Variants in SORL1 observed in about 807,000 individuals in gnomAD.
SORL1 encodes the protein sortilin-related receptor.
In SORL1, 127 loss-of-function variants were observed where a neutral mutation model predicts 273.7. The observed-to-expected ratio is 0.46, with a 90% CI of 0.40 to 0.54. The LOEUF (loss-of-function observed/expected upper bound fraction) is 0.54, where lower values mean the gene tolerates loss of function less well. Among genes scored for constraint, SORL1 ranks in the 20% least tolerant of loss-of-function variants. The probability of loss-of-function intolerance (pLI) is 0.00; values close to 1 mark genes in which losing one functional copy is unlikely to be tolerated. For synonymous variants in SORL1, 1,031 were observed against 1,067.4 expected, an observed-to-expected ratio of 0.97 and a Z score of 0.66; for missense variants, 2,494 against 2,846.1, an observed-to-expected ratio of 0.88 and a Z score of 2.81.
At chr11:121,454,907 T>A (rs184483702) in intron 1 of SORL1, among the ~76,000 whole-genome samples, 3 of 152,266 alleles carry the variant, frequency 2.0e-5, no homozygotes, top group Admixed American at 2.0e-4. Flanking sequence ...GTTTCTAAGT[T>A]GTCTCTGGTG....
At chr11:121,569,791 A>G (rs1792123) in intron 22 of SORL1, among the ~76,000 whole-genome samples, 149,884 of 152,270 alleles carry the variant, frequency 0.98, 73,837 homozygotes, top group Middle Eastern at 1. Flanking sequence ...TGTGAAGCAC[A>G]TGATCTCTGT....
chr11:121,593,885 C>A (rs1863253052), intron 31 of SORL1, among the ~76,000 whole-genome samples: 2 of 152,106 alleles, frequency 1.3e-5, no homozygotes, highest in African/African-American at 4.8e-5. Flanking sequence ...AGTTTAATCC[C>A]ATGTTTCAGT....
At chr11:121,531,271 G>A (rs1040343931) in intron 11 of SORL1, among the ~76,000 whole-genome samples, 2 of 152,172 alleles carry the variant, frequency 1.3e-5, no homozygotes, top group Non-Finnish European at 2.9e-5. Flanking sequence ...GTGCATGCCT[G>A]TAATCCCAGC....
At chr11:121,549,726 T>TC (rs1183942609) in intron 14 of SORL1, among the ~76,000 whole-genome samples, 1 of 122,380 alleles carries the variant, frequency 8.2e-6, no homozygotes, top group Non-Finnish European at 1.6e-5. Context: ...GCATGATGAT[T>TC]TTTTTTTTTT....
rs770130198 is a variant in SORL1, at chr11:121,590,077, C to A, written c.4116C>A (p.Phe1372Leu). 1 of 1,614,040 alleles carries A rather than the reference C, an allele frequency of 6.2e-7. No individual in the cohort carries two copies. The highest frequency in any genetic ancestry group is 1.3e-5 in the African/African-American group (1 of 74,920). Residue 1372 changes from phenylalanine (F) to leucine (L), a missense_variant, in exon 30 of 48, where the codon TTC (phenylalanine) becomes TTA (leucine). Coordinates refer to ENST00000260197, the MANE Select transcript of SORL1 (RefSeq NM_003105.6). ...AAGCCCCAAACTGCTCCCGCTACTT[C>A]CAGTTTCGGTGTGAGAATGGCCACT... ...PTEAPNCSRY[F>L]QFRCENGHCI...
intron 8 of SORL1, among the ~76,000 whole-genome samples, chr11:121,514,672 G>A (rs1443589063): frequency 5.9e-5 from 9 of 152,108 alleles, no homozygotes. Flanking sequence ...AACAGCACTT[G>A]GTAAATATCA....
At chr11:121,562,991 T>C (rs1056413847) in intron 21 of SORL1, among the ~76,000 whole-genome samples, 1 of 152,178 alleles carries the variant, frequency 6.6e-6, no homozygotes, top group African/African-American at 2.4e-5. Context: ...ACTACATGTA[T>C]TGAGGGGTTG....
intron 5 of SORL1, among the ~76,000 whole-genome samples, chr11:121,494,873 C>T (rs958446640): frequency 1.3e-5 from 2 of 152,136 alleles, no homozygotes; most frequent in Admixed American, 6.5e-5. Context: ...TTTGCATATC[C>T]TCTGGCTAGA....
chr11:121,507,908 C>T (rs1180379658), intron 6 of SORL1, among the ~76,000 whole-genome samples: 1 of 152,124 alleles, frequency 6.6e-6, no homozygotes, highest in African/African-American at 2.4e-5. Context: ...ACCACTGACA[C>T]CCCTTCCTCA....
chr11:121,553,848 T>G (rs951807927), intron 16 of SORL1, 89 bp from the exon 17 acceptor site: 1 of 1,278,902 alleles, frequency 7.8e-7, no homozygotes, highest in Non-Finnish European at 1.1e-6. Context: ...ATTTGAGGTT[T>G]GTGTATGAGA....
Position 121,506,957 on chromosome 11 carries a change from C to G in SORL1, c.940-6046C>G, listed in dbSNP as rs145038572. Among the ~76,000 whole-genome samples the G allele has an allele frequency of 6.0e-3, 918 of 152,184 alleles. 10 individuals are homozygous for G. Among genetic ancestry groups the G allele is most frequent in the South Asian group, 0.027 (130 of 4,818 alleles). On this transcript the variant is annotated intron_variant, in intron 6 of 47. Transcript: ENST00000260197. Reference sequence around the variant, plus strand: ...TTAAATTCCCTTGTACCTTCTTTCACTAAATTTTTCCCAGGTGTTTTCTTA... The same window carrying G: ...TTAAATTCCCTTGTACCTTCTTTCAGTAAATTTTTCCCAGGTGTTTTCTTA...
At chr11:121,489,986 A>G in intron 4 of SORL1, 57 bp from the exon 5 acceptor site, 1 of 1,264,626 alleles carries the variant, frequency 7.9e-7, no homozygotes, top group Admixed American at 1.7e-5. Flanking sequence ...TTTGATGGTG[A>G]TGCCATTCAG....
chr11:121,502,458 C>T (rs569882204), intron 6 of SORL1, among the ~76,000 whole-genome samples: 2 of 152,084 alleles, frequency 1.3e-5, no homozygotes, highest in East Asian at 3.9e-4. Flanking sequence ...TTTAACTTTT[C>T]GAGAATCGGT....
chr11:121,502,301 A>G (rs559370897), intron 6 of SORL1, among the ~76,000 whole-genome samples: 2 of 151,502 alleles, frequency 1.3e-5, no homozygotes, highest in Admixed American at 1.3e-4. Context: ...ACACCTGGCT[A>G]ATTTTTTGTA....
chr11:121,563,655 C>T lies in SORL1; in HGVS notation c.3050-3285C>T, dbSNP rs1463483926. 1.3e-5 allele frequency among the ~76,000 whole-genome samples: 2 copies of T among 152,220 alleles called. No individual in the cohort carries two copies. The highest frequency in any genetic ancestry group is 4.8e-5 in the African/African-American group (2 of 41,464). ...AGGCAATCTGCACGCCCCGGCCTCC[C>T]AAAGTGCTAGGATTTACAGGTGTGA... On this transcript the variant is annotated intron_variant, in intron 21 of 47. Transcript: ENST00000260197. This position sits in a 1 kb window ranked among gnomAD's most constrained non-coding sequence, Gnocchi z 4.2.
intron 44 of SORL1, among the ~76,000 whole-genome samples, chr11:121,621,623 C>G (rs1863724496): frequency 6.6e-6 from 1 of 152,184 alleles, no homozygotes; most frequent in African/African-American, 2.4e-5. Context: ...TTGTGGCAAT[C>G]TGACATGTTG....
intron 3 of SORL1, among the ~76,000 whole-genome samples, chr11:121,486,480 C>CTTTT (rs551145449): frequency 9.4e-5 from 13 of 138,924 alleles, no homozygotes; most frequent in East Asian, 4.2e-4. Context: ...TTCTTTCTTT[C>CTTTT]TTTTTTTTTT....
chr11:121,622,615 A>C (rs1268696662), intron 45 of SORL1, among the ~76,000 whole-genome samples: 1 of 152,118 alleles, frequency 6.6e-6, no homozygotes, highest in African/African-American at 2.4e-5. Flanking sequence ...CCTATTCCAC[A>C]CTCGCTGAGG....
chr11:121,521,725 A>G (rs912287802), intron 9 of SORL1, among the ~76,000 whole-genome samples: 2 of 152,234 alleles, frequency 1.3e-5, no homozygotes, highest in Non-Finnish European at 2.9e-5. Context: ...TCCAGTTTTC[A>G]TTGGTCAAAC....
Sources: allele counts gnomAD v4.1 joint callset (sites outside exome capture counted in the v4.1 genomes callset), GRCh38; gene constraint gnomAD v4.1.1; non-coding constraint Gnocchi (gnomAD v3.1); transcripts MANE v1.5; gene names NCBI Gene and HGNC (gene_info 2026-07-23, HGNC 2026-07-21).